The following RDX variants were observed in gnomAD, a reference collection of about 807,000 sequenced individuals.
RDX encodes the protein radixin, also known as deafness, autosomal recessive 24.
Under a neutral mutation model 83.7 loss-of-function variants are expected in RDX, and 32 were observed. That is an observed-to-expected ratio of 0.38 (90% CI 0.29 to 0.51). The LOEUF is 0.51. Ranked by LOEUF, RDX falls within the 20% of genes least tolerant of loss-of-function variation. The pLI, the probability that RDX is intolerant of heterozygous loss-of-function variation, is 0.87. For synonymous variants in RDX, 229 were observed against 222.7 expected, an observed-to-expected ratio of 1.03 and a Z score of -0.25; for missense variants, 600 against 689.9, an observed-to-expected ratio of 0.87 and a Z score of 1.46.
At chr11:110,280,562 T>C (rs1019177553) in intron 1 of RDX, among the ~76,000 whole-genome samples, 10 of 152,246 alleles carry the variant, frequency 6.6e-5, no homozygotes, top group African/African-American at 2.2e-4. Flanking sequence ...TTTTTCTTCT[T>C]GTAAATTTGA....
intron 14 of RDX, among the ~76,000 whole-genome samples, chr11:110,209,252 C>A (rs1321338739): frequency 9.9e-5 from 15 of 152,198 alleles, no homozygotes; most frequent in Non-Finnish European, 1.3e-4. Flanking sequence ...AATCGGGTCA[C>A]TCCCACCCGA....
intron 2 of RDX, among the ~76,000 whole-genome samples, chr11:110,277,068 A>T (rs1591178647): frequency 3.3e-5 from 5 of 152,352 alleles, no homozygotes. Flanking sequence ...TCTAGCTTCA[A>T]GAGTGTTTTC....
intron 14 of RDX, among the ~76,000 whole-genome samples, chr11:110,224,234 C>A (rs972763530): frequency 2.6e-4 from 39 of 147,176 alleles, no homozygotes; most frequent in Non-Finnish European, 3.9e-4. Context: ...AAAAAAAAAA[C>A]AAAAAAACAA....
chr11:110,215,136 GGATCACGAGGTCAGGAGAT>G (rs1863995785), intron 14 of RDX, among the ~76,000 whole-genome samples: 2 of 149,962 alleles, frequency 1.3e-5, no homozygotes, highest in African/African-American at 4.9e-5. Flanking sequence ...CGAGGTGGGC[GGATCACGAGGTCAGGAGAT>G]CGAGACAATC....
rs367819185 is a variant in RDX, at chr11:110,273,246, G to T, written c.13-627C>A. Reference sequence around the variant, plus strand: ...AAGCAAAACAAAAAAGGCAAAGGAGGTATTTAAATTGAGGTCTAACTCCAA... The same window carrying T: ...AAGCAAAACAAAAAAGGCAAAGGAGTTATTTAAATTGAGGTCTAACTCCAA... On this transcript the variant is annotated intron_variant, in intron 2 of 13. Transcript: ENST00000645495. Among the ~76,000 whole-genome samples the T allele has an allele frequency of 1.6e-4, 24 of 152,260 alleles. No homozygotes were observed. In the East Asian group the frequency reaches 1.7e-3, roughly 11 times the overall value.
At chr11:110,266,736 GT>G (rs934046144) in intron 3 of RDX, among the ~76,000 whole-genome samples, 6 of 150,822 alleles carry the variant, frequency 4.0e-5, no homozygotes, top group Non-Finnish European at 7.4e-5. Flanking sequence ...CCTAGTTAAT[GT>G]TTTTTTTTGT....
In RDX at chr11:110,237,806, AG is replaced by A. The variant is rs780908317; in HGVS notation, c.1091-155del. 4 of 873,790 alleles carry A rather than the reference AG, an allele frequency of 4.6e-6. No individual in the cohort carries two copies. The East Asian group carries it at 1.0e-4, about 23-fold the overall frequency. The allele number at this position is 873,790 out of a possible 1,614,324, so 54.1% of individuals were successfully genotyped here. On this transcript the variant is annotated intron_variant, in intron 10 of 13. Coordinates refer to ENST00000645495, the MANE Select transcript of RDX (RefSeq NM_002906.4). ...ATATACCTCTTTGTTTTCTTGAGAC[AG>A]GGTCTCGCTCTGTTGCCCAGGCTGA... is the stretch of plus-strand genomic sequence containing the variant.
At chr11:110,244,814 T>G (rs1291230063) in intron 10 of RDX, among the ~76,000 whole-genome samples, 3 of 152,124 alleles carry the variant, frequency 2.0e-5, no homozygotes, top group Non-Finnish European at 4.4e-5. Flanking sequence ...GAAATCACAT[T>G]TGAAGTTATA....
chr11:110,226,667 T>A (rs1864446688), downstream of RDX, among the ~76,000 whole-genome samples: 1 of 152,218 alleles, frequency 6.6e-6, no homozygotes. Context: ...AAGATTCAAC[T>A]GTAAACTTTT....
intron 10 of RDX, among the ~76,000 whole-genome samples, chr11:110,238,077 C>A (rs1434261912): frequency 6.6e-6 from 1 of 152,128 alleles, no homozygotes; most frequent in South Asian, 2.1e-4. Context: ...AAACAAATTG[C>A]CATGTTTCAG....
At chr11:110,287,077 A>G (rs558346875) in intron 1 of RDX, 1 of 152,202 alleles carries the variant, frequency 6.6e-6, no homozygotes, top group South Asian at 2.1e-4. Context: ...GTATTCCAAA[A>G]GTATCTACCG....
At chr11:110,199,614 A>G (rs1461486857) in exon 15 of RDX, 5 of 702,934 alleles carry the variant, frequency 7.1e-6, no homozygotes, top group South Asian at 1.5e-5. Flanking sequence ...CCTAAGGGTT[A>G]CATTTGCTTT....
chr11:110,258,975 G>A (rs1254215682), intron 5 of RDX, among the ~76,000 whole-genome samples: 1 of 147,676 alleles, frequency 6.8e-6, no homozygotes, highest in Non-Finnish European at 1.5e-5. Flanking sequence ...GGGTTCAAGT[G>A]ATTCTCCTGT....
chr11:110,237,981 C>A, intron 10 of RDX: 1 of 252,000 alleles, frequency 4.0e-6, no homozygotes, highest in Non-Finnish European at 8.0e-6. Flanking sequence ...AAATCTTCTG[C>A]AATTCAAGTT....
chr11:110,289,238 C>CAAAAAA (rs753424624), intron 1 of RDX, among the ~76,000 whole-genome samples: 2 of 54,346 alleles, frequency 3.7e-5, no homozygotes, highest in Non-Finnish European at 7.8e-5. Flanking sequence ...AACTCTATCT[C>CAAAAAA]AAAAAAAAAA....
chr11:110,282,910 G>C (rs1860821206), intron 1 of RDX, among the ~76,000 whole-genome samples: 1 of 152,160 alleles, frequency 6.6e-6, no homozygotes, highest in Non-Finnish European at 1.5e-5. Context: ...CCAGAAGTTT[G>C]AGGCTGCAGT....
At chr11:110,186,743 G>A (rs1862996066) in intron 15 of RDX, among the ~76,000 whole-genome samples, 1 of 152,128 alleles carries the variant, frequency 6.6e-6, no homozygotes, top group South Asian at 2.1e-4. Context: ...CCAAGCCCTG[G>A]AGCGGACTTA....
At chr11:110,217,149 C>T (rs1864084901) in intron 14 of RDX, among the ~76,000 whole-genome samples, 1 of 152,180 alleles carries the variant, frequency 6.6e-6, no homozygotes, top group Non-Finnish European at 1.5e-5. Context: ...TAGCAACTTA[C>T]ATGCCACTTC....
At chr11:110,226,432 A>G (rs1423070819), downstream of RDX, among the ~76,000 whole-genome samples, 1 of 152,234 alleles carries the variant, frequency 6.6e-6, no homozygotes, top group Non-Finnish European at 1.5e-5. Context: ...CATCAAATTT[A>G]TAGAGACAGA....
Sources: allele counts gnomAD v4.1 joint callset (sites outside exome capture counted in the v4.1 genomes callset), GRCh38; gene constraint gnomAD v4.1.1; transcripts MANE v1.5; gene names NCBI Gene and HGNC (gene_info 2026-07-23, HGNC 2026-07-21).